Variants in SAMMSON observed in about 807,000 individuals in gnomAD.
SAMMSON encodes survival associated mitochondrial melanoma specific oncogenic non-coding RNA.
intron 4 of SAMMSON, among the ~76,000 whole-genome samples, chr3:70,178,355 A>T (rs1012398535): frequency 2.6e-5 from 4 of 152,190 alleles, no homozygotes; most frequent in Non-Finnish European, 5.9e-5. Context: ...GCATTTCTTA[A>T]ACTGCAGTAT....
intron 7 of SAMMSON, among the ~76,000 whole-genome samples, chr3:70,345,611 C>T (rs1702744078): frequency 6.6e-6 from 1 of 152,152 alleles, no homozygotes; most frequent in South Asian, 2.1e-4. Flanking sequence ...AATAGCTGCA[C>T]TAAAAAATCC....
rs969789921 is a variant in SAMMSON at position 70,306,679 on chromosome 3, T to C, written n.739+15436T>C. 7.9e-5 allele frequency among the ~76,000 whole-genome samples: 12 copies of C among 152,234 alleles called. No homozygotes were observed. In the South Asian group the frequency reaches 2.3e-3, roughly 29 times the overall value. ...ACAGCACCAACATCTGGTTAGAAGA[T>C]TGCAAAACTACTGCTTTGGTGCATT... On this transcript the variant is annotated intron_variant and non_coding_transcript_variant, in intron 7 of 9. Coordinates refer to ENST00000642114, the Ensembl canonical transcript of SAMMSON.
At chr3:70,407,099 A>G (rs1199632686) in intron 2 of SAMMSON, among the ~76,000 whole-genome samples, 5 of 152,204 alleles carry the variant, frequency 3.3e-5, no homozygotes, top group Non-Finnish European at 2.9e-5. Context: ...TGTGAGACTT[A>G]TTCACTGCCA....
At chr3:70,100,440 A>G (rs2067339623) in intron 4 of SAMMSON, among the ~76,000 whole-genome samples, 1 of 150,674 alleles carries the variant, frequency 6.6e-6, no homozygotes, top group Non-Finnish European at 1.5e-5. Context: ...GAGCCACCAT[A>G]CCCGGCCCAT....
chr3:70,055,152 G>T (rs1017783167), intron 3 of SAMMSON, among the ~76,000 whole-genome samples: 5 of 152,076 alleles, frequency 3.3e-5, no homozygotes, highest in African/African-American at 9.7e-5. Context: ...TGATCCAAGG[G>T]TTGGGGTGAA....
At chr3:70,199,498 A>G (rs1300963568) in intron 4 of SAMMSON, among the ~76,000 whole-genome samples, 2 of 152,056 alleles carry the variant, frequency 1.3e-5, no homozygotes, top group Non-Finnish European at 2.9e-5. Flanking sequence ...AGTCCTTTTT[A>G]TTTGGTTTTA....
At chr3:70,200,376 C>G (rs1701225878) in intron 4 of SAMMSON, among the ~76,000 whole-genome samples, 1 of 152,192 alleles carries the variant, frequency 6.6e-6, no homozygotes, top group Non-Finnish European at 1.5e-5. Flanking sequence ...ATTTCTCTGA[C>G]TTCTGGACCT....
intron 1 of SAMMSON, among the ~76,000 whole-genome samples, chr3:70,005,740 C>T (rs531954203): frequency 6.6e-5 from 10 of 152,300 alleles, no homozygotes; most frequent in African/African-American, 2.4e-4. Flanking sequence ...TCCCTTAGCA[C>T]GTACTTGGTA....
chr3:70,106,559 C>G (rs112480880), intron 4 of SAMMSON, among the ~76,000 whole-genome samples: 11,079 of 150,930 alleles, frequency 0.073, 553 homozygotes, highest in Non-Finnish European at 0.11. Context: ...AGGCTGGTCT[C>G]GAACTCCTGG....
intron 4 of SAMMSON, among the ~76,000 whole-genome samples, chr3:70,172,067 A>T (rs1700961874): frequency 1.3e-5 from 2 of 151,914 alleles, no homozygotes; most frequent in Non-Finnish European, 2.9e-5. Flanking sequence ...CAATGATTTA[A>T]TCTAGATAAT....
chr3:70,054,306 G>A (rs986403081), intron 3 of SAMMSON, among the ~76,000 whole-genome samples: 1 of 152,050 alleles, frequency 6.6e-6, no homozygotes, highest in Non-Finnish European at 1.5e-5. Context: ...GTTGAACTTG[G>A]CATAACTCCT....
chr3:70,421,473 C>T (rs1183484185), intron 2 of SAMMSON, among the ~76,000 whole-genome samples: 3 of 152,072 alleles, frequency 2.0e-5, no homozygotes, highest in Non-Finnish European at 4.4e-5. Flanking sequence ...AGAGAATGTT[C>T]ATCCATGCAG....
At chr3:70,024,254 T>C (rs1212418212) in intron 3 of SAMMSON, among the ~76,000 whole-genome samples, 2 of 152,226 alleles carry the variant, frequency 1.3e-5, no homozygotes, top group Non-Finnish European at 2.9e-5. Context: ...TTTTCACTGA[T>C]ATACGATGAT....
intron 3 of SAMMSON, chr3:70,030,559 T>G (rs2067060908): frequency 6.6e-6 from 1 of 152,118 alleles, no homozygotes; most frequent in African/African-American, 2.4e-5. Context: ...TATCCTGAGG[T>G]GGTTATTAAT....
At chr3:70,230,679 A>T (rs975841341) in intron 4 of SAMMSON, among the ~76,000 whole-genome samples, 1 of 152,172 alleles carries the variant, frequency 6.6e-6, no homozygotes, top group Non-Finnish European at 1.5e-5. Flanking sequence ...TTGATAATCA[A>T]TTCTAGGTTT....
intron 2 of SAMMSON, among the ~76,000 whole-genome samples, chr3:70,399,634 G>C (rs1406271017): frequency 6.6e-6 from 1 of 152,054 alleles, no homozygotes; most frequent in African/African-American, 2.4e-5. Context: ...GGGAGGCCAA[G>C]GCAGTTGGAT....
intron 7 of SAMMSON, among the ~76,000 whole-genome samples, chr3:70,338,927 A>G (rs1162248950): frequency 6.6e-6 from 1 of 152,230 alleles, no homozygotes; most frequent in African/African-American, 2.4e-5. Context: ...GAACCAAAAA[A>G]GAGCCTGCAT....
intron 6 of SAMMSON, among the ~76,000 whole-genome samples, chr3:70,254,760 C>T (rs1028199137): frequency 1.3e-5 from 2 of 152,144 alleles, no homozygotes; most frequent in Non-Finnish European, 2.9e-5. Flanking sequence ...TATTCTATCA[C>T]CTCTCCATAG....
downstream of SAMMSON, among the ~76,000 whole-genome samples, chr3:70,390,980 G>C (rs532344988): frequency 9.5e-4 from 145 of 152,174 alleles, no homozygotes; most frequent in African/African-American, 3.4e-3. Context: ...TTCATGTTAA[G>C]TTGACCCTAT....
Sources: gnomAD v4.1 joint callset for allele counts (sites outside exome capture counted in the v4.1 genomes callset) on GRCh38, gnomAD v4.1.1 for gene constraint, MANE v1.5 for transcripts, NCBI Gene and HGNC (gene_info 2026-07-23, HGNC 2026-07-21) for gene names.